Variants in ADGRL3 observed in about 807,000 individuals in gnomAD.
ADGRL3 encodes the protein calcium-independent alpha-latrotoxin receptor 3.
ADGRL3 carries 62 observed loss-of-function variants against 153.5 expected under a neutral mutation model. The ratio of observed to expected loss-of-function variants is 0.40; its 90% CI spans 0.33 to 0.50. ADGRL3 has a LOEUF of 0.50. ADGRL3 is among the 20% of genes least tolerant of loss of function. The pLI, the probability that ADGRL3 is intolerant of heterozygous loss-of-function variation, is 0.47. For synonymous variants in ADGRL3, 710 were observed against 672.5 expected, an observed-to-expected ratio of 1.06 and a Z score of -0.86; for missense variants, 1,641 against 1,859.4, an observed-to-expected ratio of 0.88 and a Z score of 2.16.
At chr4:61,792,459 T>A (rs868256549) in intron 8 of ADGRL3, among the ~76,000 whole-genome samples, 1 of 149,954 alleles carries the variant, frequency 6.7e-6, no homozygotes, top group Non-Finnish European at 1.5e-5. Context: ...AGTTCCAAAC[T>A]TTTCCTTTAT....
intron 8 of ADGRL3, among the ~76,000 whole-genome samples, chr4:61,745,733 T>G (rs776335359): frequency 7.0e-4 from 106 of 152,202 alleles, no homozygotes; most frequent in Middle Eastern, 6.8e-3. Flanking sequence ...AAGGAACAAC[T>G]GGTACCAGCC....
At chr4:61,810,500 G>A (rs2097601157) in intron 8 of ADGRL3, among the ~76,000 whole-genome samples, 1 of 152,166 alleles carries the variant, frequency 6.6e-6, no homozygotes, top group African/African-American at 2.4e-5. Context: ...ATTGACAGTA[G>A]AAAGAGAGAA....
At chr4:61,497,377 C>T (rs1239429659) in intron 3 of ADGRL3, 29 bp downstream of exon 3, 1 of 1,488,706 alleles carries the variant, frequency 6.7e-7, no homozygotes, top group Non-Finnish European at 9.3e-7. Flanking sequence ...TTGTGTAATG[C>T]TTAATGTTGT....
At chr4:61,737,497 C>A in intron 8 of ADGRL3, among the ~76,000 whole-genome samples, 1 of 152,100 alleles carries the variant, frequency 6.6e-6, no homozygotes, top group Non-Finnish European at 1.5e-5. Flanking sequence ...GGTTTGAATT[C>A]TCTCTATCTC....
intron 13 of ADGRL3, among the ~76,000 whole-genome samples, chr4:61,933,254 G>GA (rs2098825045): frequency 6.6e-6 from 1 of 151,998 alleles, no homozygotes; most frequent in Non-Finnish European, 1.5e-5. Flanking sequence ...TTTGGCTTCA[G>GA]AAAATATCTA....
chr4:61,957,597 T>C (rs920388477), intron 17 of ADGRL3, among the ~76,000 whole-genome samples: 13 of 147,716 alleles, frequency 8.8e-5, no homozygotes, highest in African/African-American at 2.5e-4. Context: ...GAGACAGAGT[T>C]TTGCTCTTGT....
intron 8 of ADGRL3, among the ~76,000 whole-genome samples, chr4:61,777,651 A>G (rs1286531860): frequency 6.6e-6 from 1 of 152,216 alleles, no homozygotes; most frequent in East Asian, 1.9e-4. Flanking sequence ...CCAGCTAACT[A>G]ATTGGCACCT....
chr4:61,961,867 T>C (rs2098989097), intron 17 of ADGRL3, among the ~76,000 whole-genome samples: 1 of 152,216 alleles, frequency 6.6e-6, no homozygotes, highest in African/African-American at 2.4e-5. Context: ...TATTTCTTTT[T>C]TCTCCACTCT....
chr4:61,839,793 A>T (rs2097999428), intron 9 of ADGRL3, among the ~76,000 whole-genome samples: 1 of 151,666 alleles, frequency 6.6e-6, no homozygotes, highest in Non-Finnish European at 1.5e-5. Context: ...CCGAAAAAAA[A>T]AATTAAATTT....
chr4:61,697,065 A>T (rs1271589846), intron 6 of ADGRL3, among the ~76,000 whole-genome samples: 1 of 137,984 alleles, frequency 7.2e-6, no homozygotes, highest in African/African-American at 2.5e-5. Flanking sequence ...AATATAGTAG[A>T]TACTTAGTAG....
At chr4:61,287,210 A>G (rs2093972254) in intron 1 of ADGRL3, among the ~76,000 whole-genome samples, 1 of 151,948 alleles carries the variant, frequency 6.6e-6, no homozygotes, top group Non-Finnish European at 1.5e-5. Context: ...AGGATACTGC[A>G]GTGAAGACCA....
chr4:61,804,953 T>A lies in ADGRL3; in HGVS notation c.1400-8856T>A, dbSNP rs200780537. On this transcript the variant is annotated intron_variant, in intron 8 of 26. Coordinates refer to ENST00000683033, the MANE Select transcript of ADGRL3 (RefSeq NM_001387552.1). ...TATTTATTTATTTATTTATTTATTT[T>A]TATTTATTTATTTTTTTTTTGAGAC... Among the ~76,000 whole-genome samples the A allele has an allele frequency of 6.7e-3, 772 of 115,534 alleles. 9 individuals carry two copies. The highest frequency in any genetic ancestry group is 0.025 in the African/African-American group (700 of 27,766). 75.8% of individuals were successfully genotyped at this position (115,534 alleles called of 152,430 possible). A position where few individuals can be genotyped will look rare whatever the true frequency, so the allele number is the denominator to read the frequency against.
intron 9 of ADGRL3, among the ~76,000 whole-genome samples, chr4:61,828,848 TCTC>T (rs2097840987): frequency 6.6e-6 from 1 of 152,206 alleles, no homozygotes; most frequent in African/African-American, 2.4e-5. Flanking sequence ...CCCTGCCCCT[TCTC>T]CTGTTAAATG....
At chr4:61,693,698 A>G (rs1487567345) in intron 6 of ADGRL3, among the ~76,000 whole-genome samples, 3 of 152,210 alleles carry the variant, frequency 2.0e-5, no homozygotes, top group Admixed American at 6.5e-5. Context: ...TTAGTTTTCA[A>G]CATTGCCTTC....
intron 2 of ADGRL3, among the ~76,000 whole-genome samples, chr4:61,478,731 A>G (rs1425915709): frequency 6.6e-6 from 1 of 152,064 alleles, no homozygotes; most frequent in South Asian, 2.1e-4. Flanking sequence ...GTTTACTGGC[A>G]GTATTCAGCA....
chr4:61,750,901 A>C (rs993165747), intron 8 of ADGRL3, among the ~76,000 whole-genome samples: 1 of 152,168 alleles, frequency 6.6e-6, no homozygotes, highest in Non-Finnish European at 1.5e-5. Flanking sequence ...GCAAACAGTA[A>C]CCAGTGTTGT....
intron 2 of ADGRL3, among the ~76,000 whole-genome samples, chr4:61,414,939 C>T (rs1409729461): frequency 1.3e-5 from 2 of 151,816 alleles, no homozygotes; most frequent in Non-Finnish European, 2.9e-5. Flanking sequence ...ATAATATTAT[C>T]TATTTACTCT....
intron 2 of ADGRL3, among the ~76,000 whole-genome samples, chr4:61,454,144 C>T (rs2152535011): frequency 6.6e-6 from 1 of 152,142 alleles, no homozygotes; most frequent in East Asian, 1.9e-4. Flanking sequence ...AGGAGAACTT[C>T]AGCTCTCATG....
chr4:61,270,240 G>A (rs574858349), intron 1 of ADGRL3, among the ~76,000 whole-genome samples: 1 of 151,766 alleles, frequency 6.6e-6, no homozygotes, highest in South Asian at 2.1e-4. Context: ...CAGCTTTTAA[G>A]CCTAAACTTT....
Sources: allele counts gnomAD v4.1 joint callset (sites outside exome capture counted in the v4.1 genomes callset), GRCh38; gene constraint gnomAD v4.1.1; transcripts MANE v1.5; gene names NCBI Gene and HGNC (gene_info 2026-07-23, HGNC 2026-07-21).